MIPOL1: variants seen among roughly 807,000 people sequenced by gnomAD.
MIPOL1 encodes mirror-image polydactyly gene 1 protein.
A neutral mutation model predicts 60.9 loss-of-function variants in MIPOL1; 57 were observed. The observed-to-expected ratio is 0.94, with a 90% CI of 0.76 to 1.17. MIPOL1 has a LOEUF of 1.17. Among genes scored for constraint, MIPOL1 ranks in the 50% most tolerant of loss-of-function variants. The pLI is 0.00. For synonymous variants in MIPOL1, 179 were observed against 168.8 expected, an observed-to-expected ratio of 1.06 and a Z score of -0.47; for missense variants, 551 against 511.6, an observed-to-expected ratio of 1.08 and a Z score of -0.74.
At chr14:37,536,550 A>T (rs941460812) in intron 12 of MIPOL1, among the ~76,000 whole-genome samples, 5 of 152,184 alleles carry the variant, frequency 3.3e-5, no homozygotes, top group Admixed American at 6.6e-5. Context: ...GAATATGAGG[A>T]TACTTAGATT....
chr14:37,246,364 A>G (rs1444118170), intron 1 of MIPOL1, among the ~76,000 whole-genome samples: 2 of 152,146 alleles, frequency 1.3e-5, no homozygotes, highest in African/African-American at 4.8e-5. Flanking sequence ...CAAATCATTA[A>G]TTATCTCAGT....
chr14:37,306,254 A>G (rs547944836), intron 7 of MIPOL1, among the ~76,000 whole-genome samples: 2 of 151,986 alleles, frequency 1.3e-5, no homozygotes, highest in African/African-American at 2.4e-5. Context: ...TAGAAATTCC[A>G]TACACATTTT....
At chr14:37,361,851 C>T (rs2153486026) in intron 9 of MIPOL1, among the ~76,000 whole-genome samples, 1 of 152,106 alleles carries the variant, frequency 6.6e-6, no homozygotes, top group Admixed American at 6.6e-5. Context: ...TTGTGATCTG[C>T]CCGCCTTGGC....
chr14:37,479,012 G>A (rs1355419434), intron 11 of MIPOL1, among the ~76,000 whole-genome samples: 1 of 151,920 alleles, frequency 6.6e-6, no homozygotes, highest in Non-Finnish European at 1.5e-5. Context: ...ATATAAAACA[G>A]ATATTAAAGG....
intron 11 of MIPOL1, among the ~76,000 whole-genome samples, chr14:37,472,681 G>A (rs1344731138): frequency 2.0e-5 from 3 of 151,072 alleles, no homozygotes; most frequent in Admixed American, 1.3e-4. Context: ...ATTTTTTTTT[G>A]TAAGGCATCA....
chr14:37,435,904 G>A (rs912004195), intron 11 of MIPOL1, among the ~76,000 whole-genome samples: 2 of 152,074 alleles, frequency 1.3e-5, no homozygotes, highest in African/African-American at 2.4e-5. Flanking sequence ...ACTGATCTAT[G>A]TTTTGGTATA....
chr14:37,480,548 A>G (rs2094847187), intron 11 of MIPOL1, among the ~76,000 whole-genome samples: 1 of 152,074 alleles, frequency 6.6e-6, no homozygotes, highest in South Asian at 2.1e-4. Context: ...CGGTATAGAA[A>G]GAATGTACCT....
intron 10 of MIPOL1, among the ~76,000 whole-genome samples, chr14:37,396,146 T>C (rs1275711615): frequency 1.3e-5 from 2 of 152,148 alleles, no homozygotes; most frequent in Admixed American, 1.3e-4. Flanking sequence ...TTTCAAGATT[T>C]AGAGCTCCTT....
intron 3 of MIPOL1, among the ~76,000 whole-genome samples, chr14:37,251,050 C>A (rs934460007): frequency 6.6e-6 from 1 of 151,798 alleles, no homozygotes; most frequent in Admixed American, 6.6e-5. Flanking sequence ...AAAATAAACC[C>A]AAGTTTTTTT....
chr14:37,238,982 T>A (rs1035837312), intron 1 of MIPOL1, among the ~76,000 whole-genome samples: 1 of 151,526 alleles, frequency 6.6e-6, no homozygotes, highest in African/African-American at 2.4e-5. Context: ...TATTTATTTT[T>A]TAATGAAAAA....
At chr14:37,306,390 T>G (rs1203227391) in intron 7 of MIPOL1, among the ~76,000 whole-genome samples, 1 of 151,904 alleles carries the variant, frequency 6.6e-6, no homozygotes, top group Non-Finnish European at 1.5e-5. Context: ...TGTCTTTTGT[T>G]GTTGCAAAGG....
At chr14:37,452,619 C>G (rs532241589) in intron 11 of MIPOL1, among the ~76,000 whole-genome samples, 1 of 152,296 alleles carries the variant, frequency 6.6e-6, no homozygotes, top group Admixed American at 6.5e-5. Context: ...GTTTAGCCAG[C>G]TGAAAACTGT....
chr14:37,526,884 G>A (rs996280671), intron 12 of MIPOL1, among the ~76,000 whole-genome samples: 5 of 152,054 alleles, frequency 3.3e-5, no homozygotes, highest in Non-Finnish European at 5.9e-5. Flanking sequence ...AACAATATTT[G>A]AGAACAACAA....
chr14:37,405,900 G>T (rs1406240298), intron 10 of MIPOL1, among the ~76,000 whole-genome samples: 12 of 140,680 alleles, frequency 8.5e-5, no homozygotes, highest in African/African-American at 2.5e-4. Flanking sequence ...TTTTTTAAGA[G>T]TTTTTTTTTT....
chr14:37,531,555 A>G (rs77790538), intron 12 of MIPOL1, among the ~76,000 whole-genome samples: 2,287 of 152,288 alleles, frequency 0.015, 57 homozygotes, highest in African/African-American at 0.052. Flanking sequence ...TATCTAGGTG[A>G]TTTACTCAAA....
intron 11 of MIPOL1, among the ~76,000 whole-genome samples, 169 bp from the exon 12 acceptor site, chr14:37,499,739 G>A (rs2095187420): frequency 6.6e-6 from 1 of 152,142 alleles, no homozygotes; most frequent in Admixed American, 6.5e-5. Flanking sequence ...CCTAGAAGCA[G>A]AGAAATTATC....
intron 11 of MIPOL1, among the ~76,000 whole-genome samples, chr14:37,486,853 A>C (rs1182855249): frequency 1.3e-5 from 2 of 152,130 alleles, no homozygotes; most frequent in African/African-American, 4.8e-5. Context: ...TAGAACTTCC[A>C]ATAACACCAA....
At chr14:37,473,470 T>C (rs981524631) in intron 11 of MIPOL1, among the ~76,000 whole-genome samples, 1 of 152,182 alleles carries the variant, frequency 6.6e-6, no homozygotes, top group African/African-American at 2.4e-5. Context: ...TGTTCCTTTG[T>C]ATCTTGTCTA....
chr14:37,219,902 T>TGAGTACTCAATGTACTTTGAGTAACG (rs1343074567), intron 1 of MIPOL1, among the ~76,000 whole-genome samples: 1 of 152,210 alleles, frequency 6.6e-6, no homozygotes, highest in Admixed American at 6.5e-5. Context: ...ATGTACTTAT[T>TGAGTACTCAATGTACTTTGAGTAACG]TAGTTTGAGT....
Sources: allele counts gnomAD v4.1 joint callset (sites outside exome capture counted in the v4.1 genomes callset), GRCh38; gene constraint gnomAD v4.1.1; transcripts MANE v1.5; gene names NCBI Gene and HGNC (gene_info 2026-07-23, HGNC 2026-07-21).